MATR3: variants seen among roughly 807,000 people sequenced by gnomAD.
The protein encoded by MATR3 is matrin-3.
In MATR3, 4 loss-of-function variants were observed where a neutral mutation model predicts 85.5. The ratio of observed to expected loss-of-function variants is 0.05; its 90% CI spans 0.02 to 0.11. The LOEUF (loss-of-function observed/expected upper bound fraction) is 0.11, where lower values mean the gene tolerates loss of function less well. Ranked by LOEUF, MATR3 falls within the 10% of genes least tolerant of loss-of-function variation. The pLI is 1.00. For synonymous variants in MATR3, 336 were observed against 343.1 expected, an observed-to-expected ratio of 0.98 and a Z score of 0.23; for missense variants, 685 against 1,016.1, an observed-to-expected ratio of 0.67 and a Z score of 4.43.
chr5:139,292,312 A>G (rs1358063972), upstream of MATR3, among the ~76,000 whole-genome samples: 1 of 152,104 alleles, frequency 6.6e-6, no homozygotes, highest in Non-Finnish European at 1.5e-5. Context: ...ATGGTATCCC[A>G]CAGTAGCCGC....
chr5:139,286,291 G>A (rs1174011631), intron 3 of MATR3, among the ~76,000 whole-genome samples: 1 of 151,802 alleles, frequency 6.6e-6, no homozygotes, highest in African/African-American at 2.4e-5. Flanking sequence ...ACATTCAAAG[G>A]CTCTGCATTT....
chr5:139,325,361 G>A (rs753352698), intron 12 of MATR3, 79 bp from the exon 13 acceptor site: 22 of 1,587,230 alleles, frequency 1.4e-5, no homozygotes, highest in Non-Finnish European at 1.8e-5. Context: ...AGGAAGATTC[G>A]GAACTTCAGA....
Position 139,317,697 on chromosome 5 carries a change from T to C in MATR3, c.1284T>C (p.His428=), listed in dbSNP as rs755491059. ...LVEPFGVISN[H]LILNKINEAF... is the part of the protein sequence containing the mutation. ...AACCATTTGGAGTCATTTCAAATCA[T>C]CTGATTCTAAATAAAATTAATGAGG... Residue 428 remains histidine, a synonymous_variant, in exon 7 of 15, where the codon CAT becomes CAC. Transcript: ENST00000394805. 8.7e-6 allele frequency: 14 copies of C among 1,606,058 alleles called. No homozygotes were observed. The highest frequency in any genetic ancestry group is 1.7e-5 in the Admixed American group (1 of 59,790).
intron 3 of MATR3, among the ~76,000 whole-genome samples, chr5:139,284,534 G>A (rs1291979756): frequency 6.6e-6 from 1 of 151,996 alleles, no homozygotes; most frequent in Non-Finnish European, 1.5e-5. Flanking sequence ...CTTGAACTTG[G>A]AAGGCAGAGG....
chr5:139,319,282 T>C, intron 8 of MATR3, 52 bp from the exon 9 acceptor site: 1 of 1,540,034 alleles, frequency 6.5e-7, no homozygotes, highest in Non-Finnish European at 9.0e-7. Flanking sequence ...TTTTTAACTG[T>C]TAACTAATAA....
At chr5:139,315,851 G>A (rs928707172) in intron 4 of MATR3, 113 bp downstream of exon 4, 2 of 955,002 alleles carry the variant, frequency 2.1e-6, no homozygotes, top group African/African-American at 1.6e-5. Context: ...TACTGAAAAT[G>A]AGACTTTGAT....
At chr5:139,275,056 A>C (rs984032390) in intron 1 of MATR3, among the ~76,000 whole-genome samples, 2 of 145,696 alleles carry the variant, frequency 1.4e-5, no homozygotes, top group Admixed American at 6.9e-5. Flanking sequence ...GCTCACTGCA[A>C]CCTCCGCCTC....
rs1291651504 is a variant in MATR3, at chr5:139,330,097, T to C, written c.*702T>C. 2.2e-6 allele frequency: 1 copy of C among 454,532 alleles called. No individual in the cohort carries two copies. 28.2% of individuals were successfully genotyped at this position (454,532 alleles called of 1,614,324 possible). A position where few individuals can be genotyped will look rare whatever the true frequency, so the allele number is the denominator to read the frequency against. ...CTTTGACCAGTATTAATTTTTGAGA[T>C]CTTACTGCTTGTCACTTGAATCCCG... On this transcript the variant is annotated 3_prime_UTR_variant, in exon 15 of 15. Transcript: ENST00000394805.
chr5:139,294,036 G>A, intron 1 of MATR3: 2 of 1,276,670 alleles, frequency 1.6e-6, no homozygotes, highest in Non-Finnish European at 2.0e-6. Context: ...GAGGTGAGCG[G>A]TCCGGGAGGG....
intron 1 of MATR3, among the ~76,000 whole-genome samples, chr5:139,306,934 C>G (rs568500346): frequency 6.6e-6 from 1 of 152,022 alleles, no homozygotes; most frequent in South Asian, 2.1e-4. Flanking sequence ...AAGAAGAAAC[C>G]CATCTATATT....
intron 5 of MATR3, among the ~76,000 whole-genome samples, chr5:139,316,758 C>T (rs1344930282): frequency 6.6e-6 from 1 of 151,958 alleles, no homozygotes; most frequent in East Asian, 1.9e-4. Context: ...GCGGTGTTGC[C>T]CAGGCTGGTC....
chr5:139,328,430 C>T (rs1755967388), intron 14 of MATR3, among the ~76,000 whole-genome samples: 1 of 151,972 alleles, frequency 6.6e-6, no homozygotes, highest in Non-Finnish European at 1.5e-5. Context: ...GTCTTTTGTA[C>T]TTTCATTAGT....
chr5:139,316,417 C>T (rs1294926542), intron 5 of MATR3, among the ~76,000 whole-genome samples: 7 of 151,408 alleles, frequency 4.6e-5, no homozygotes, highest in Non-Finnish European at 7.4e-5. Context: ...AGCTAATTTT[C>T]GTATTTTTAG....
chr5:139,325,576 C>T lies in MATR3; in HGVS notation c.2285C>T (p.Ala762Val). 6.2e-7 allele frequency: 1 copy of T among 1,614,180 alleles called. No homozygotes were observed. Among genetic ancestry groups the T allele is most frequent in the Non-Finnish European group, 8.5e-7 (1 of 1,180,034 alleles). Residue 762 changes from alanine to valine, a missense_variant, in exon 13 of 15, where the codon GCA (alanine) becomes GTA (valine). Ala to Val is a moderately conservative substitution (Grantham distance 64, BLOSUM62 0). Transcript: ENST00000394805. ...DDPNKDTSENADGQSDENKDD... is the reference protein window; with the variant it reads ...DDPNKDTSENVDGQSDENKDD... ...CCCAACAAAGATACAAGTGAAAACG[C>T]AGATGGTCAAAGTGATGAGAACAAG...
At position 139,322,452 on chromosome 5, in the gene MATR3, T is replaced by A. The variant is rs200942842; in HGVS notation, c.1735-11T>A. 2 of 1,613,238 alleles carry A rather than the reference T, an allele frequency of 1.2e-6. No homozygotes were observed. The highest frequency in any genetic ancestry group is 1.7e-5 in the Admixed American group (1 of 60,010). On this transcript the variant is annotated splice_polypyrimidine_tract_variant and intron_variant, in intron 10 of 14. Coordinates refer to ENST00000394805, the MANE Select transcript of MATR3 (RefSeq NM_018834.6). ...AAATGTGTTAACTTCTGCAAAACTT[T>A]TGTCTTTTAGATTCCAAACAGAGGC...
intron 14 of MATR3, 66 bp from the exon 15 acceptor site, chr5:139,329,278 TG>T: frequency 9.0e-7 from 1 of 1,112,286 alleles, no homozygotes; most frequent in South Asian, 1.3e-5. Context: ...TATTTGATTT[TG>T]GAATTAATCC....
chr5:139,289,724 A>G (rs751214667), upstream of MATR3, among the ~76,000 whole-genome samples: 28 of 152,276 alleles, frequency 1.8e-4, no homozygotes, highest in Non-Finnish European at 2.9e-4. Context: ...CTTACTGCCA[A>G]TTCGTTGTGC....
At chr5:139,278,803 G>C (rs776356559) in intron 2 of MATR3, 1 of 513,798 alleles carries the variant, frequency 1.9e-6, no homozygotes, top group East Asian at 5.5e-5. Flanking sequence ...CAGCTATCCA[G>C]GCTCATGTGG....
chr5:139,281,149 T>G (rs1309492293), intron 3 of MATR3, among the ~76,000 whole-genome samples: 2 of 151,770 alleles, frequency 1.3e-5, no homozygotes, highest in African/African-American at 4.8e-5. Flanking sequence ...TAGCTGGGAC[T>G]ATAGGCATGT....
Sources: allele counts gnomAD v4.1 joint callset (sites outside exome capture counted in the v4.1 genomes callset), GRCh38; gene constraint gnomAD v4.1.1; transcripts MANE v1.5; gene names NCBI Gene and HGNC (gene_info 2026-07-23, HGNC 2026-07-21).